CNGA3: variants seen among roughly 807,000 people sequenced by gnomAD.
CNGA3 encodes cyclic nucleotide gated channel subunit alpha 3, also known as cyclic nucleotide-gated channel alpha-3.
A neutral mutation model predicts 46.6 loss-of-function variants in CNGA3; 42 were observed. The ratio of observed to expected loss-of-function variants is 0.90; its 90% CI spans 0.70 to 1.17. The LOEUF is 1.17. Among genes scored for constraint, CNGA3 ranks in the 50% most tolerant of loss-of-function variants. CNGA3 has a pLI of 0.00. For synonymous variants in CNGA3, 394 were observed against 369.4 expected, an observed-to-expected ratio of 1.07 and a Z score of -0.76; for missense variants, 893 against 890.7, an observed-to-expected ratio of 1.00 and a Z score of -0.03.
At chr2:98,359,225 ATTGG>A (rs1691965619) in intron 1 of CNGA3, among the ~76,000 whole-genome samples, 1 of 152,184 alleles carries the variant, frequency 6.6e-6, no homozygotes, top group Non-Finnish European at 1.5e-5. Context: ...TCCTGCTTCT[ATTGG>A]TCCAGGGTTG....
At chr2:98,391,684 C>G (rs1692791289) in intron 6 of CNGA3, among the ~76,000 whole-genome samples, 180 bp from the exon 7 acceptor site, 1 of 152,154 alleles carries the variant, frequency 6.6e-6, no homozygotes, top group South Asian at 2.1e-4. Context: ...GACAGAAAAG[C>G]TTCTCAGAGA....
At chr2:98,392,683 G>A (rs1322158256) in intron 7 of CNGA3, among the ~76,000 whole-genome samples, 1 of 152,182 alleles carries the variant, frequency 6.6e-6, no homozygotes, top group Non-Finnish European at 1.5e-5. Context: ...TAAGCAGGAA[G>A]GAGAGCTCAG....
intron 1 of CNGA3, among the ~76,000 whole-genome samples, chr2:98,361,732 G>T (rs188346606): frequency 0.2 from 26,462 of 133,958 alleles, 2,950 homozygotes; most frequent in Non-Finnish European, 0.26. Flanking sequence ...TTTTGAGACA[G>T]AGTCTTGCTC....
chr2:98,360,806 TA>T (rs1195957220), intron 1 of CNGA3, among the ~76,000 whole-genome samples: 2 of 152,262 alleles, frequency 1.3e-5, no homozygotes, highest in Non-Finnish European at 2.9e-5. Flanking sequence ...GAAAGTTACA[TA>T]ACCTGTTATA....
rs191554742 is a variant in CNGA3, at chr2:98,397,641, C to G, written c.*386C>G. On this transcript the variant is annotated 3_prime_UTR_variant, in exon 8 of 8. Transcript: ENST00000272602. ...TGAAAGATTATTTAGTCACCTTTCTCCTGTCCAACTTCACCACCACCTGAT... is the reference window on the plus strand; with the variant it reads ...TGAAAGATTATTTAGTCACCTTTCTGCTGTCCAACTTCACCACCACCTGAT... 6.4e-6 allele frequency: 2 copies of G among 312,270 alleles called. No homozygotes were observed. The highest frequency in any genetic ancestry group is 4.3e-5 in the African/African-American group (2 of 46,248). 19.3% of individuals were successfully genotyped at this position (312,270 alleles called of 1,614,324 possible). A position where few individuals can be genotyped will look rare whatever the true frequency, so the allele number is the denominator to read the frequency against.
chr2:98,351,387 G>A (rs1182525115), intron 1 of CNGA3, among the ~76,000 whole-genome samples: 1 of 152,182 alleles, frequency 6.6e-6, no homozygotes, highest in East Asian at 1.9e-4. Flanking sequence ...TCATGATAGT[G>A]AATAAGTCTC....
intron 1 of CNGA3, among the ~76,000 whole-genome samples, chr2:98,361,601 G>A (rs1189863001): frequency 6.6e-6 from 1 of 151,760 alleles, no homozygotes; most frequent in Non-Finnish European, 1.5e-5. Context: ...TTGAGGAATT[G>A]CCACACTGTC....
chr2:98,397,032 C>G lies in CNGA3; in HGVS notation c.1862C>G (p.Ala621Gly). The change falls in exon 8 of 8, where the codon GCG becomes GGG. Residue 621 changes from alanine (A) to glycine (G), a missense_variant. Ala to Gly is a moderately conservative substitution (Grantham distance 60, BLOSUM62 0). Transcript: ENST00000272602. ...LIDEELARAG[A>G]DPKDLEEKVE... ...GATGAGGAGCTGGCCAGGGCGGGCG[C>G]GGACCCCAAGGACCTTGAGGAGAAA... is the stretch of plus-strand genomic sequence containing the variant. The G allele has an allele frequency of 1.9e-6, 3 of 1,613,960 alleles. No individual in the cohort carries two copies. The highest frequency in any genetic ancestry group is 2.5e-6 in the Non-Finnish European group (3 of 1,179,956).
intron 1 of CNGA3, among the ~76,000 whole-genome samples, chr2:98,347,961 G>C (rs975189775): frequency 6.6e-6 from 1 of 152,224 alleles, no homozygotes; most frequent in Admixed American, 6.5e-5. Context: ...TGGGGGACGC[G>C]GGTGGTTGGG....
rs769185929 is a variant in CNGA3, at chr2:98,383,389, G to A, written c.397G>A (p.Ala133Thr). ...SQEPADRGRS[A>T]WPLAKCNTNT... ...GATGTTCTCTCTACCTTCCCGCAGC[G>A]CCTGGCCCCTGGCCAAATGCAACAC... The change falls in exon 5 of 8, where the codon GCC becomes ACC. Residue 133 changes from alanine (A) to threonine (T), a missense_variant and splice_region_variant. By Grantham distance (58) the Ala-to-Thr change is moderately conservative (BLOSUM62 0). Coordinates refer to ENST00000272602, the MANE Select transcript of CNGA3 (RefSeq NM_001298.3). 5.6e-6 allele frequency: 9 copies of A among 1,614,004 alleles called. No homozygotes were observed. The highest frequency in any genetic ancestry group is 6.8e-6 in the Non-Finnish European group (8 of 1,179,924).
At chr2:98,388,995 G>A (rs557088136) in intron 5 of CNGA3, among the ~76,000 whole-genome samples, 43 of 152,324 alleles carry the variant, frequency 2.8e-4, no homozygotes, top group African/African-American at 9.9e-4. Context: ...TTGAATCTGC[G>A]GGAAATTCTA....
chr2:98,380,983 C>A (rs1692524997), intron 4 of CNGA3, among the ~76,000 whole-genome samples: 1 of 152,080 alleles, frequency 6.6e-6, no homozygotes, highest in Non-Finnish European at 1.5e-5. Flanking sequence ...AGAACTGGGG[C>A]CTCTCTGCAT....
At chr2:98,356,679 A>G (rs1043755117) in intron 1 of CNGA3, among the ~76,000 whole-genome samples, 1 of 152,198 alleles carries the variant, frequency 6.6e-6, no homozygotes, top group Non-Finnish European at 1.5e-5. Context: ...AATGTTTCAA[A>G]CCACACAAAT....
At chr2:98,357,889 C>A (rs1691922609) in intron 1 of CNGA3, among the ~76,000 whole-genome samples, 1 of 152,234 alleles carries the variant, frequency 6.6e-6, no homozygotes, top group Non-Finnish European at 1.5e-5. Context: ...CATTTCCAAT[C>A]TCCTGCAGTG....
chr2:98,391,365 G>A (rs985506779), intron 6 of CNGA3, among the ~76,000 whole-genome samples: 22 of 152,302 alleles, frequency 1.4e-4, no homozygotes, highest in African/African-American at 5.3e-4. Context: ...GCAGGTGGGC[G>A]GCAGGGGCAG....
At chr2:98,354,439 ATTGAG>A (rs1159051405) in intron 1 of CNGA3, among the ~76,000 whole-genome samples, 1 of 146,178 alleles carries the variant, frequency 6.8e-6, no homozygotes, top group African/African-American at 2.5e-5. Context: ...CTGCTTTTTA[ATTGAG>A]TTATTTGACT....
chr2:98,356,268 G>C (rs1691878052), intron 1 of CNGA3, among the ~76,000 whole-genome samples: 1 of 152,178 alleles, frequency 6.6e-6, no homozygotes, highest in African/African-American at 2.4e-5. Context: ...ATAACTTGCT[G>C]AGTGCATTTG....
At chr2:98,347,895 T>TCCGTGCCC in intron 1 of CNGA3, among the ~76,000 whole-genome samples, 1 of 152,192 alleles carries the variant, frequency 6.6e-6, no homozygotes, top group East Asian at 1.9e-4. Context: ...CCAGCAAGAA[T>TCCGTGCCC]AGTGCTGTCT....
In CNGA3 at chr2:98,397,308, T is replaced by C. The variant is rs897335091; in HGVS notation, c.*53T>C. The C allele has an allele frequency of 5.6e-5, 88 of 1,568,266 alleles. No individual in the cohort carries two copies. The highest frequency in any genetic ancestry group is 1.4e-4 in the Admixed American group (8 of 58,224). The stretch of plus-strand genomic sequence containing the variant: ...AGGGTCGACTGTCAGGGTGACCGTA[T>C]GTGGCCGCAGCTGTGTGGCATGGAA... On this transcript the variant is annotated 3_prime_UTR_variant, in exon 8 of 8. Transcript: ENST00000272602.
Sources: gnomAD v4.1 joint callset for allele counts (sites outside exome capture counted in the v4.1 genomes callset) on GRCh38, gnomAD v4.1.1 for gene constraint, MANE v1.5 for transcripts, NCBI Gene and HGNC (gene_info 2026-07-23, HGNC 2026-07-21) for gene names.